ATP13A3: variants seen among roughly 807,000 people sequenced by gnomAD.
The protein encoded by ATP13A3 is ATPase 13A3.
In ATP13A3, 59 loss-of-function variants were observed where a neutral mutation model predicts 158.1. That is an observed-to-expected ratio of 0.37 (90% confidence interval 0.30 to 0.46). The LOEUF (loss-of-function observed/expected upper bound fraction) is 0.46, where lower values mean the gene tolerates loss of function less well. Among genes scored for constraint, ATP13A3 ranks in the 20% least tolerant of loss-of-function variants. The probability of loss-of-function intolerance (pLI) is 1.00; values close to 1 mark genes in which losing one functional copy is unlikely to be tolerated. For missense variants in ATP13A3, 1,166 were observed against 1,525.2 expected (o/e 0.76, Z 3.92); for synonymous variants, 491 against 504.3 (o/e 0.97, Z 0.35).
rs55633938 is a variant in ATP13A3, at chr3:194,469,234, G to C, written c.-46-6998C>G. Among the ~76,000 whole-genome samples the C allele has an allele frequency of 2.1e-3, 323 of 152,086 alleles. 2 individuals carry two copies. The highest frequency in any genetic ancestry group is 7.4e-3 in the African/African-American group (306 of 41,476). On this transcript the variant is annotated intron_variant, in intron 2 of 33. Coordinates refer to ENST00000645319, the MANE Select transcript of ATP13A3 (RefSeq NM_001367549.1). ...GCACTTTGAGAGGCCAAGGCAGGAG[G>C]ATCACATGAGGCCAGGAGTTTGAGA...
At chr3:194,410,850 G>C (rs1715355830) in intron 33 of ATP13A3, among the ~76,000 whole-genome samples, 1 of 140,588 alleles carries the variant, frequency 7.1e-6, no homozygotes, top group South Asian at 2.5e-4. Context: ...TTTCACATGA[G>C]AGTTGATTAC....
chr3:194,461,005 T>C (rs1190717352), intron 3 of ATP13A3, among the ~76,000 whole-genome samples, 174 bp from the exon 4 acceptor site: 1 of 152,240 alleles, frequency 6.6e-6, no homozygotes, highest in Non-Finnish European at 1.5e-5. Context: ...ACCAGTTTAC[T>C]GTCAGTTATA....
In ATP13A3 at chr3:194,430,103, G is replaced by A. The variant is rs757268260; in HGVS notation, c.2746C>T (p.Pro916Ser). ...SVASPFTSKT[P>S]SISCVPNLIR... ...AGGTTTGGCACACAGGAAATACTAGGAGTCTTAGAGGTAAAGGGAGATGCC... is the reference window on the plus strand; with the variant it reads ...AGGTTTGGCACACAGGAAATACTAGAAGTCTTAGAGGTAAAGGGAGATGCC... Residue 916 changes from proline (P) to serine (S), a missense_variant, in exon 26 of 34, where the codon CCT becomes TCT. Coordinates refer to ENST00000645319, the MANE Select transcript of ATP13A3 (RefSeq NM_001367549.1). 2 of 1,614,092 alleles carry A rather than the reference G, an allele frequency of 1.2e-6. No homozygotes were observed. The highest frequency in any genetic ancestry group is 2.2e-5 in the East Asian group (1 of 44,872).
rs139445312 is a variant in ATP13A3, at chr3:194,485,488, A to G, written c.-47+306T>C. Among the ~76,000 whole-genome samples, 681 of 152,338 alleles carry G rather than the reference A, an allele frequency of 4.5e-3. 5 individuals are homozygous for G. The highest frequency in any genetic ancestry group is 4.8e-3 in the Non-Finnish European group (324 of 68,032). ...ACTGTTCATTACGTACTCACCCTTC[A>G]AAGGAATCAAATCGAAACACTTTCA... On this transcript the variant is annotated intron_variant, in intron 2 of 33. Transcript: ENST00000645319.
intron 33 of ATP13A3, among the ~76,000 whole-genome samples, chr3:194,410,242 T>G (rs980626112): frequency 3.2e-5 from 4 of 124,660 alleles, no homozygotes; most frequent in Non-Finnish European, 6.3e-5. Flanking sequence ...GGCAGATGGC[T>G]TGAACCCAGG....
chr3:194,469,143 C>CA (rs35461219), intron 2 of ATP13A3, among the ~76,000 whole-genome samples: 142 of 142,740 alleles, frequency 9.9e-4, no homozygotes, highest in Middle Eastern at 7.5e-3. Flanking sequence ...ACACACACAC[C>CA]AAAAAAAAAA....
In ATP13A3 at chr3:194,459,538, G is replaced by C. The variant is rs756090170; in HGVS notation, c.412C>G (p.Arg138Gly). Reference sequence around the variant, plus strand: ...TTTACACTATGGTGGGTGAAATAACGAATCTGTGGAACACAAATAAACGTT... The same window carrying C: ...TTTACACTATGGTGGGTGAAATAACCAATCTGTGGAACACAAATAAACGTT... ...KYSQTESQQIRYFTHHSVKYF... is the reference protein window; with the variant it reads ...KYSQTESQQIGYFTHHSVKYF... The change falls in exon 6 of 34, where the codon CGT becomes GGT. Residue 138 changes from arginine (R) to glycine (G), a missense_variant. By Grantham distance (125) the Arg-to-Gly change is moderately radical. Transcript: ENST00000645319. 6.2e-7 allele frequency: 1 copy of C among 1,600,832 alleles called. No homozygotes were observed. Among genetic ancestry groups the C allele is most frequent in the Non-Finnish European group, 8.6e-7 (1 of 1,169,058 alleles).
chr3:194,450,728 CT>C (rs1718747866), intron 10 of ATP13A3: 1 of 156,602 alleles, frequency 6.4e-6, no homozygotes, highest in Admixed American at 6.1e-5. Flanking sequence ...TATAATATTC[CT>C]TTTCTCACTG....
At chr3:194,423,929 T>C (rs1716570547) in intron 30 of ATP13A3, among the ~76,000 whole-genome samples, 1 of 144,654 alleles carries the variant, frequency 6.9e-6, no homozygotes, top group Non-Finnish European at 1.5e-5. Flanking sequence ...GAATACCAGT[T>C]TTCTTCAAAT....
chr3:194,464,058 G>A (rs1413778977), intron 2 of ATP13A3, among the ~76,000 whole-genome samples: 2 of 152,160 alleles, frequency 1.3e-5, no homozygotes, highest in Non-Finnish European at 2.9e-5. Context: ...CTACTCAGGA[G>A]GCTGAGGTGA....
At chr3:194,473,455 T>C (rs1235812437) in intron 2 of ATP13A3, among the ~76,000 whole-genome samples, 1 of 151,120 alleles carries the variant, frequency 6.6e-6, no homozygotes, top group Admixed American at 6.6e-5. Flanking sequence ...TAAAATTATA[T>C]GGTAAGACAT....
chr3:194,431,012 T>C lies in ATP13A3; in HGVS notation c.2555A>G (p.His852Arg). 2 of 1,613,750 alleles carry C rather than the reference T, an allele frequency of 1.2e-6. No individual in the cohort carries two copies. The highest frequency in any genetic ancestry group is 1.7e-6 in the Non-Finnish European group (2 of 1,179,746). ...TGCCATACGGGCAAACACGGTGCCA[T>C]GCAACATCAACTGGAAACAATAATA... ...FQDLVPKLML[H>R]GTVFARMAPD... is the part of the protein sequence containing the mutation. Residue 852 changes from histidine (H) to arginine (R), a missense_variant, in exon 24 of 34, where the codon CAT becomes CGT. Coordinates refer to ENST00000645319, the MANE Select transcript of ATP13A3 (RefSeq NM_001367549.1).
chr3:194,449,109 G>A (rs1264944979), intron 11 of ATP13A3, among the ~76,000 whole-genome samples: 2 of 149,950 alleles, frequency 1.3e-5, no homozygotes, highest in Non-Finnish European at 3.0e-5. Flanking sequence ...AAAGACAGCT[G>A]GGCAAAAAAG....
chr3:194,461,974 T>C (rs957707838), intron 3 of ATP13A3, among the ~76,000 whole-genome samples, 166 bp downstream of exon 3: 6 of 152,220 alleles, frequency 3.9e-5, no homozygotes, highest in Admixed American at 2.0e-4. Context: ...AAGCAACTAA[T>C]AGACATATTA....
intron 2 of ATP13A3, among the ~76,000 whole-genome samples, chr3:194,482,276 T>C (rs975270916): frequency 6.6e-6 from 1 of 152,226 alleles, no homozygotes; most frequent in Admixed American, 6.5e-5. Context: ...TTGGTTGTTT[T>C]AAGACAAAGT....
intron 20 of ATP13A3, among the ~76,000 whole-genome samples, 178 bp from the exon 21 acceptor site, chr3:194,434,074 A>C (rs761313668): frequency 4.6e-5 from 7 of 152,268 alleles, no homozygotes; most frequent in Non-Finnish European, 8.8e-5. Context: ...TCAAGAGTTC[A>C]GTATCTCAAT....
chr3:194,473,419 C>T (rs1029766187), intron 2 of ATP13A3, among the ~76,000 whole-genome samples: 1 of 150,630 alleles, frequency 6.6e-6, no homozygotes, highest in Non-Finnish European at 1.5e-5. Flanking sequence ...GAACCTATTA[C>T]AGAACAAGAC....
At chr3:194,435,316 T>C (rs1028338303) in intron 20 of ATP13A3, among the ~76,000 whole-genome samples, 7 of 152,228 alleles carry the variant, frequency 4.6e-5, no homozygotes, top group Non-Finnish European at 1.0e-4. Flanking sequence ...CAGGCCCCAG[T>C]TTCTGGCTTC....
At chr3:194,476,992 C>A (rs1259287899) in intron 2 of ATP13A3, among the ~76,000 whole-genome samples, 1 of 152,150 alleles carries the variant, frequency 6.6e-6, no homozygotes, top group African/African-American at 2.4e-5. Context: ...TTGTCAACAC[C>A]ATCTGCCATT....
Sources: allele counts gnomAD v4.1 joint callset (sites outside exome capture counted in the v4.1 genomes callset), GRCh38; gene constraint gnomAD v4.1.1; transcripts MANE v1.5; gene names NCBI Gene and HGNC (gene_info 2026-07-23, HGNC 2026-07-21).